MMP16: variants seen among roughly 807,000 people sequenced by gnomAD.
The protein encoded by MMP16 is matrix metallopeptidase 16.
A neutral mutation model predicts 67.8 loss-of-function variants in MMP16; 12 were observed. That is an observed-to-expected ratio of 0.18 (90% CI 0.11 to 0.29). The LOEUF is 0.29. Ranked by LOEUF, MMP16 falls within the 10% of genes least tolerant of loss-of-function variation. The pLI, the probability that MMP16 is intolerant of heterozygous loss-of-function variation, is 1.00. For missense variants in MMP16, 475 were observed against 765.7 expected (o/e 0.62, Z 4.48); for synonymous variants, 249 against 255.9 (o/e 0.97, Z 0.26).
At chr8:88,156,159 G>C (rs1808505352) in intron 4 of MMP16, among the ~76,000 whole-genome samples, 1 of 152,050 alleles carries the variant, frequency 6.6e-6, no homozygotes, top group African/African-American at 2.4e-5. Context: ...AACCCATAGA[G>C]AGGCTTTTTA....
Position 88,253,444 on chromosome 8 carries a change from T to C in MMP16, c.133-56138A>G, listed in dbSNP as rs1413895831. 5.3e-5 allele frequency among the ~76,000 whole-genome samples: 8 copies of C among 152,124 alleles called. No homozygotes were observed. In the East Asian group the frequency reaches 1.5e-3, roughly 29 times the overall value. The stretch of plus-strand genomic sequence containing the variant: ...TAAATATTAACAGTGATAAGTCATG[T>C]TAACAGTATGTACCTCGATATGCTG... On this transcript the variant is annotated intron_variant, in intron 1 of 9. Transcript: ENST00000286614.
At chr8:88,067,303 C>A in intron 7 of MMP16, among the ~76,000 whole-genome samples, 1 of 152,028 alleles carries the variant, frequency 6.6e-6, no homozygotes, top group East Asian at 1.9e-4. Flanking sequence ...TATTCATAAT[C>A]AACATGCTCT....
intron 1 of MMP16, among the ~76,000 whole-genome samples, chr8:88,258,983 G>C (rs1273697751): frequency 6.6e-6 from 1 of 152,088 alleles, no homozygotes; most frequent in African/African-American, 2.4e-5. Flanking sequence ...AACCTAATGT[G>C]GTAGCTTCAC....
chr8:88,325,877 A>C (rs1460026875), intron 1 of MMP16, among the ~76,000 whole-genome samples: 1 of 152,162 alleles, frequency 6.6e-6, no homozygotes, highest in Non-Finnish European at 1.5e-5. Flanking sequence ...AGTTTCTATA[A>C]ACACAGTTAT....
intron 1 of MMP16, among the ~76,000 whole-genome samples, chr8:88,228,395 A>C (rs1350867634): frequency 1.3e-5 from 2 of 152,118 alleles, no homozygotes; most frequent in Non-Finnish European, 1.5e-5. Flanking sequence ...TTTGAATAGA[A>C]TATTACATAG....
intron 1 of MMP16, among the ~76,000 whole-genome samples, chr8:88,245,778 C>T (rs189060983): frequency 1.4e-4 from 22 of 152,226 alleles, no homozygotes; most frequent in African/African-American, 5.3e-4. Context: ...AGAAATGTGA[C>T]AATATCAAGG....
chr8:88,174,388 A>G (rs1808851445), intron 3 of MMP16, among the ~76,000 whole-genome samples: 1 of 152,218 alleles, frequency 6.6e-6, no homozygotes, highest in African/African-American at 2.4e-5. Context: ...ATTTGATAAA[A>G]GTTATATTAC....
In MMP16 at chr8:88,274,991, C is replaced by T. The variant is rs368351592; in HGVS notation, c.132+52084G>A. On this transcript the variant is annotated intron_variant, in intron 1 of 9. Coordinates refer to ENST00000286614, the MANE Select transcript of MMP16 (RefSeq NM_005941.5). ...CACATTCATGCATCATTACCCAATT[C>T]TCTCACCTATCCTTACAAAAGATTA... 1.2e-3 allele frequency among the ~76,000 whole-genome samples: 188 copies of T among 152,068 alleles called. 2 individuals are homozygous for T. Among genetic ancestry groups the T allele is most frequent in the African/African-American group, 3.9e-3 (160 of 41,550 alleles).
chr8:88,177,480 C>T (rs530982599), intron 3 of MMP16, among the ~76,000 whole-genome samples: 124 of 149,104 alleles, frequency 8.3e-4, no homozygotes, highest in South Asian at 1.3e-3. Context: ...AAAGTCCCAG[C>T]CTTAGGGGTG....
In MMP16 at chr8:88,033,903, C is replaced by T. The variant is rs1808018261; in HGVS notation, c.*7558G>A. The T allele has an allele frequency of 6.6e-6, 1 of 151,844 alleles. No individual in the cohort carries two copies. The highest frequency in any genetic ancestry group is 1.5e-5 in the Non-Finnish European group (1 of 67,932). 9.4% of individuals were successfully genotyped at this position (151,844 alleles called of 1,614,324 possible). On this transcript the variant is annotated 3_prime_UTR_variant, in exon 10 of 10. Transcript: ENST00000286614. The stretch of plus-strand genomic sequence containing the variant: ...ATGAAGGTTTTAGGCATTTATGTAC[C>T]CATGATGTACCTTAAACAGAACACT...
chr8:88,147,900 C>T (rs1487346071), intron 4 of MMP16, among the ~76,000 whole-genome samples: 1 of 151,982 alleles, frequency 6.6e-6, no homozygotes. Flanking sequence ...GTATACTTTG[C>T]ACTTTGCATA....
intron 6 of MMP16, among the ~76,000 whole-genome samples, chr8:88,086,825 T>C (rs1250138166): frequency 6.6e-6 from 1 of 151,938 alleles, no homozygotes; most frequent in East Asian, 1.9e-4. Flanking sequence ...ATATCCATTG[T>C]TCTCTGAAAT....
chr8:88,236,550 G>A (rs7825629), intron 1 of MMP16, among the ~76,000 whole-genome samples: 30,978 of 151,950 alleles, frequency 0.2, 4,212 homozygotes, highest in East Asian at 0.52. Flanking sequence ...GAGTCCAGGA[G>A]TGTGAGATCA....
intron 1 of MMP16, among the ~76,000 whole-genome samples, chr8:88,285,393 G>C (rs746091840): frequency 1.2e-4 from 18 of 152,124 alleles, no homozygotes; most frequent in Non-Finnish European, 2.6e-4. Flanking sequence ...ACCCACCTCA[G>C]CCTCCCGAAG....
intron 4 of MMP16, among the ~76,000 whole-genome samples, chr8:88,127,727 C>T (rs1287674721): frequency 2.6e-5 from 4 of 151,844 alleles, no homozygotes; most frequent in African/African-American, 7.2e-5. Context: ...TAGTACCTTA[C>T]ATTGGCTTTT....
At chr8:88,068,206 A>G (rs758385900) in intron 7 of MMP16, among the ~76,000 whole-genome samples, 12 of 152,046 alleles carry the variant, frequency 7.9e-5, no homozygotes, top group Non-Finnish European at 1.8e-4. Flanking sequence ...ACATCCATCT[A>G]TGATTCTTGG....
intron 1 of MMP16, among the ~76,000 whole-genome samples, chr8:88,281,828 C>A (rs1462776613): frequency 6.6e-6 from 1 of 152,126 alleles, no homozygotes; most frequent in Non-Finnish European, 1.5e-5. Flanking sequence ...TCGACAATGT[C>A]TATTCATTCT....
chr8:88,323,261 T>C (rs1398357166), intron 1 of MMP16, among the ~76,000 whole-genome samples: 1 of 152,210 alleles, frequency 6.6e-6, no homozygotes, highest in Non-Finnish European at 1.5e-5. Context: ...TTTTTATCTC[T>C]GAAATGTCTC....
Position 88,041,437 on chromosome 8 carries a change from A to G in MMP16, c.*24T>C. 3.1e-6 allele frequency: 5 copies of G among 1,589,394 alleles called. 1 individual carries two copies. The South Asian group carries it at 5.7e-5, about 18-fold the overall frequency. ...AAGTTACCACAAACTCCTGCAAAAG[A>G]AAGAAAGAAGAAAAAACCCTACATC... is the stretch of plus-strand genomic sequence containing the variant. On this transcript the variant is annotated 3_prime_UTR_variant, in exon 10 of 10. Coordinates refer to ENST00000286614, the MANE Select transcript of MMP16 (RefSeq NM_005941.5). This position sits in a 1 kb window ranked among gnomAD's most constrained non-coding sequence, Gnocchi z 6.0.
Sources: allele counts gnomAD v4.1 joint callset (sites outside exome capture counted in the v4.1 genomes callset), GRCh38; gene constraint gnomAD v4.1.1; non-coding constraint Gnocchi (gnomAD v3.1); transcripts MANE v1.5; gene names NCBI Gene and HGNC (gene_info 2026-07-23, HGNC 2026-07-21).